Variants in USP33 observed in about 807,000 individuals in gnomAD.
USP33 encodes ubiquitin specific peptidase 33.
Under a neutral mutation model 124.2 loss-of-function variants are expected in USP33, and 46 were observed. The observed-to-expected ratio is 0.37, with a 90% confidence interval of 0.29 to 0.47. The LOEUF (loss-of-function observed/expected upper bound fraction) is 0.47, where lower values mean the gene tolerates loss of function less well. Ranked by LOEUF, USP33 falls within the 20% of genes least tolerant of loss-of-function variation. The pLI is 0.99. For missense variants in USP33, 851 were observed against 1,070.6 expected (o/e 0.79, Z 2.86); for synonymous variants, 350 against 352.3 (o/e 0.99, Z 0.07).
intron 21 of USP33, among the ~76,000 whole-genome samples, chr1:77,707,948 G>C (rs1674813900): frequency 6.6e-6 from 1 of 152,148 alleles, no homozygotes; most frequent in Non-Finnish European, 1.5e-5. Flanking sequence ...TATACTCTCT[G>C]AACTAAAAGA....
intron 19 of USP33, chr1:77,713,551 AC>A: frequency 4.5e-6 from 1 of 221,526 alleles, no homozygotes; most frequent in Non-Finnish European, 8.1e-6. Context: ...CACCCAGCTA[AC>A]TTTTCTTTTT....
intron 22 of USP33, 88 bp downstream of exon 22, chr1:77,701,281 C>A: frequency 3.4e-6 from 3 of 877,030 alleles, no homozygotes; most frequent in South Asian, 3.2e-5. Context: ...ATAGTGTAAT[C>A]CCAAGTGCAC....
intron 23 of USP33, 157 bp downstream of exon 23, chr1:77,697,706 T>TAA: frequency 4.4e-6 from 4 of 911,938 alleles, no homozygotes; most frequent in Admixed American, 3.1e-5. Context: ...TTTCCTCAGA[T>TAA]AAAAAAAAAG....
chr1:77,715,926 G>C, intron 17 of USP33, 58 bp from the exon 18 acceptor site: 2 of 1,533,402 alleles, frequency 1.3e-6, no homozygotes, highest in Non-Finnish European at 1.8e-6. Context: ...AAGAAAGGAG[G>C]ATAAACTTTT....
chr1:77,703,388 A>C (rs1570726841), intron 21 of USP33, among the ~76,000 whole-genome samples: 1 of 151,966 alleles, frequency 6.6e-6, no homozygotes, highest in African/African-American at 2.4e-5. Context: ...AGCACTTTGG[A>C]AGGCCAAGGC....
chr1:77,697,751 T>G (rs1237379410), intron 23 of USP33, 112 bp downstream of exon 23: 1 of 1,111,040 alleles, frequency 9.0e-7, no homozygotes, highest in Admixed American at 2.5e-5. Flanking sequence ...AGTTAATGTA[T>G]GGATTACATT....
intron 21 of USP33, among the ~76,000 whole-genome samples, chr1:77,702,177 A>AAAC (rs1674118670): frequency 8.2e-6 from 1 of 121,612 alleles, no homozygotes; most frequent in Non-Finnish European, 2.0e-5. Flanking sequence ...AAAAAAAAAA[A>AAAC]CCAGTGGTAC....
At chr1:77,723,952 C>G (rs1046344228) in intron 11 of USP33, among the ~76,000 whole-genome samples, 2 of 152,054 alleles carry the variant, frequency 1.3e-5, no homozygotes, top group African/African-American at 4.8e-5. Flanking sequence ...GCGTGAGCCA[C>G]CGCACCCAGC....
chr1:77,732,197 T>C (rs1487498559), intron 7 of USP33, among the ~76,000 whole-genome samples: 1 of 152,146 alleles, frequency 6.6e-6, no homozygotes, highest in Non-Finnish European at 1.5e-5. Flanking sequence ...TCTGGTTTTC[T>C]TATCTGTATA....
At position 77,714,954 on chromosome 1, in the gene USP33, T is replaced by C. The variant is rs185336476; in HGVS notation, c.2046-171A>G. ...ATCCACCAAATACATTATATACTCA[T>C]AGGGATGAAACTGTATCTTACCTAC... On this transcript the variant is annotated intron_variant, in intron 18 of 23. Transcript: ENST00000370794. The C allele has an allele frequency of 3.7e-3, 2,323 of 635,066 alleles. 16 individuals carry two copies. The highest frequency in any genetic ancestry group is 4.6e-3 in the Non-Finnish European group (1,752 of 384,014). The allele number at this position is 635,066 out of a possible 1,614,324, so 39.3% of individuals were successfully genotyped here.
rs376765088 is a variant in USP33, at chr1:77,711,864, T to C, written c.2298-9A>G. 1.1e-5 allele frequency: 17 copies of C among 1,583,272 alleles called. No homozygotes were observed. In the South Asian group the frequency reaches 1.2e-4, roughly 11 times the overall value. ...CTGGTCCTCCACCATACCTAAAGCATGAAAAATTTAAGAATTAATGTTCTA... is the reference window on the plus strand; with the variant it reads ...CTGGTCCTCCACCATACCTAAAGCACGAAAAATTTAAGAATTAATGTTCTA... On this transcript the variant is annotated splice_polypyrimidine_tract_variant and intron_variant, in intron 20 of 23. Coordinates refer to ENST00000370794, the MANE Select transcript of USP33 (RefSeq NM_201624.3).
rs939934675 is a variant in USP33 at position 77,732,789 on chromosome 1, C to CTTTTT, written c.524+1553_524+1557dup. 1.6e-3 allele frequency among the ~76,000 whole-genome samples: 163 copies of CTTTTT among 104,848 alleles called. 1 individual carries two copies. Among genetic ancestry groups the CTTTTT allele is most frequent in the African/African-American group, 3.0e-3 (81 of 26,662 alleles). The allele number at this position is 104,848 out of a possible 152,430, so 68.8% of individuals were successfully genotyped here. A position where few individuals can be genotyped will look rare whatever the true frequency, so the allele number is the denominator to read the frequency against. On this transcript the variant is annotated intron_variant, in intron 7 of 23. Transcript: ENST00000370794. ...TCAAGTTTCAGAGTAAATGTCTCTTCTTTTTTTTTTTTTTTTTTTTTTTTG... is the reference window on the plus strand; with the variant it reads ...TCAAGTTTCAGAGTAAATGTCTCTTCTTTTTTTTTTTTTTTTTTTTTTTTTTTTTG...
intron 7 of USP33, among the ~76,000 whole-genome samples, chr1:77,732,789 C>CTTTTTT (rs939934675): frequency 1.7e-4 from 18 of 104,892 alleles, no homozygotes; most frequent in African/African-American, 3.8e-4. Context: ...AATGTCTCTT[C>CTTTTTT]TTTTTTTTTT....
intron 5 of USP33, among the ~76,000 whole-genome samples, chr1:77,736,666 G>A (rs1311574119): frequency 6.6e-6 from 1 of 151,988 alleles, no homozygotes; most frequent in Non-Finnish European, 1.5e-5. Flanking sequence ...CTGGAGTGCA[G>A]TGGCACGATC....
At chr1:77,710,180 C>T (rs2101247613) in intron 21 of USP33, among the ~76,000 whole-genome samples, 1 of 152,310 alleles carries the variant, frequency 6.6e-6, no homozygotes, top group Middle Eastern at 3.4e-3. Context: ...CCTGCCTGGG[C>T]TCTAACACCC....
At chr1:77,730,189 A>C (rs1677646799) in intron 8 of USP33, among the ~76,000 whole-genome samples, 1 of 152,236 alleles carries the variant, frequency 6.6e-6, no homozygotes, top group Non-Finnish European at 1.5e-5. Flanking sequence ...CAAAAATGCA[A>C]GTTTCCTGAA....
chr1:77,707,669 T>C (rs1258495195), intron 21 of USP33, among the ~76,000 whole-genome samples: 5 of 152,078 alleles, frequency 3.3e-5, no homozygotes, highest in African/African-American at 1.2e-4. Flanking sequence ...CCTTCAGAAA[T>C]GAAGGTCTGG....
rs762448840 is a variant in USP33 at position 77,697,881 on chromosome 1, T to G, written c.2560A>C (p.Asn854His). 5 of 1,610,866 alleles carry G rather than the reference T, an allele frequency of 3.1e-6. No individual in the cohort carries two copies. Among genetic ancestry groups the G allele is most frequent in the Non-Finnish European group, 4.2e-6 (5 of 1,179,144 alleles). Residue 854 changes from asparagine to histidine, a missense_variant, in exon 23 of 24, where the codon AAT becomes CAT. Physicochemically the swap from Asn to His is moderately conservative, Grantham distance 68. This residue lies in a region of USP33 where 142 missense variants were observed against 141.8 expected (regional missense o/e 1.00). Coordinates refer to ENST00000370794, the MANE Select transcript of USP33 (RefSeq NM_201624.3). ...AACTTACCTTGCCTAAGCATCACATTACCACATTTAGTGACTGCAATCTTA... is the reference window on the plus strand; with the variant it reads ...AACTTACCTTGCCTAAGCATCACATGACCACATTTAGTGACTGCAATCTTA... ...NTKIAVTKCG[N>H]VMLRQGADSG...
At chr1:77,736,686 T>A (rs1678494862) in intron 5 of USP33, among the ~76,000 whole-genome samples, 2 of 152,132 alleles carry the variant, frequency 1.3e-5, no homozygotes, top group South Asian at 4.1e-4. Context: ...CTCAGCTCAC[T>A]GCAACCTCCA....
Sources: gnomAD v4.1 joint callset for allele counts (sites outside exome capture counted in the v4.1 genomes callset) on GRCh38, gnomAD v4.1.1 for gene constraint, gnomAD v4.1.1 regional missense constraint, MANE v1.5 for transcripts, NCBI Gene and HGNC (gene_info 2026-07-23, HGNC 2026-07-21) for gene names.